Variants in MYH3 observed in about 807,000 individuals in gnomAD.
MYH3 encodes the protein myosin heavy chain 3, also known as myosin-3.
In MYH3, 130 loss-of-function variants were observed where a neutral mutation model predicts 238.0. The ratio of observed to expected loss-of-function variants is 0.55; its 90% CI spans 0.47 to 0.63. The LOEUF (loss-of-function observed/expected upper bound fraction) is 0.63. Ranked by LOEUF, MYH3 falls within the 30% of genes least tolerant of loss-of-function variation. The pLI is 0.00. For synonymous variants in MYH3, 880 were observed against 924.1 expected, an observed-to-expected ratio of 0.95 and a Z score of 0.86; for missense variants, 1,853 against 2,374.9, an observed-to-expected ratio of 0.78 and a Z score of 4.57.
At chr17:10,637,771 G>A (rs375343929) in intron 28 of MYH3, 38 bp downstream of exon 28, 1 of 1,613,312 alleles carries the variant, frequency 6.2e-7, no homozygotes, top group Non-Finnish European at 8.5e-7. Flanking sequence ...TGGGTGCCAG[G>A]AGGTTTTGGC....
chr17:10,632,755 G>A lies in MYH3; in HGVS notation c.4677C>T (p.Ile1559=), dbSNP rs1483273052. Residue 1559 remains isoleucine, a synonymous_variant, in exon 34 of 41, where the codon ATC becomes ATT. Transcript: ENST00000583535. ...EAALEHEEAK[I]LRIQLELTQV... ...GTGTCAATTCAAGCTGGATTCGGAG[G>A]ATCTTGGCTTCTTCATGCTCAAGAG... The A allele has an allele frequency of 6.2e-7, 1 of 1,614,066 alleles. No individual in the cohort carries two copies. The highest frequency in any genetic ancestry group is 1.3e-5 in the African/African-American group (1 of 74,914).
chr17:10,632,590 C>T lies in MYH3; in HGVS notation c.4842G>A (p.Arg1614=), dbSNP rs1473900896. Reference sequence around the variant, plus strand: ...GGTCCCCCTCCATCTTCTTCTTGAGCCGGATGGCTTCATTCCTGCTCCGCA... The same window carrying T: ...GGTCCCCCTCCATCTTCTTCTTGAGTCGGATGGCTTCATTCCTGCTCCGCA... The part of the protein sequence containing the change: ...AEVRSRNEAI[R]LKKKMEGDLN... The change falls in exon 34 of 41, where the codon CGG becomes CGA. Residue 1614 remains arginine, a synonymous_variant. Transcript: ENST00000583535. 1 of 1,614,182 alleles carries T rather than the reference C, an allele frequency of 6.2e-7. No homozygotes were observed. Among genetic ancestry groups the T allele is most frequent in the South Asian group, 1.1e-5 (1 of 91,084 alleles).
At chr17:10,660,578 G>A (rs1457756557), upstream of MYH3, among the ~76,000 whole-genome samples, 3 of 151,920 alleles carry the variant, frequency 2.0e-5, no homozygotes, top group Non-Finnish European at 4.4e-5. Context: ...TTGGGAGGCT[G>A]AGGCAAGAGA....
intron 30 of MYH3, 110 bp downstream of exon 30, chr17:10,635,257 C>T (rs969907195): frequency 1.1e-5 from 18 of 1,567,400 alleles, no homozygotes; most frequent in Middle Eastern, 1.8e-4. Flanking sequence ...CCTCTAATGG[C>T]CCAGCACCGC....
Position 10,640,468 on chromosome 17 carries a change from A to C in MYH3, c.2291T>G (p.Val764Gly). The change falls in exon 21 of 41, where the codon GTG (valine) becomes GGG (glycine). Residue 764 changes from valine (V) to glycine (G), a missense_variant and splice_region_variant. This residue lies in a region of MYH3 where 678 missense variants were observed against 1,058.9 expected (regional missense o/e 0.64). Coordinates refer to ENST00000583535, the MANE Select transcript of MYH3 (RefSeq NM_002470.4). Reference sequence around the variant, plus strand: ...TCCCAGCAAGCCAGCCTTGAAGAACACCTTATGGGGCAGAAGGGTGACATG... The same window carrying C: ...TCCCAGCAAGCCAGCCTTGAAGAACCCCTTATGGGGCAGAAGGGTGACATG... ...HTQYKFGHTKVFFKAGLLGTL... is the reference protein window; with the variant it reads ...HTQYKFGHTKGFFKAGLLGTL... 6.2e-7 allele frequency: 1 copy of C among 1,614,194 alleles called. No homozygotes were observed. The highest frequency in any genetic ancestry group is 8.5e-7 in the Non-Finnish European group (1 of 1,180,030).
intron 31 of MYH3, 137 bp downstream of exon 31, chr17:10,634,702 CG>C: frequency 5.0e-6 from 5 of 998,356 alleles, no homozygotes; most frequent in Non-Finnish European, 7.9e-6. Flanking sequence ...AACTACAGCC[CG>C]GTGAAGTTCA....
intron 8 of MYH3, among the ~76,000 whole-genome samples, chr17:10,648,248 T>G (rs913199906): frequency 1.3e-5 from 2 of 152,064 alleles, no homozygotes; most frequent in Non-Finnish European, 2.9e-5. Flanking sequence ...GGCCCTTCCT[T>G]CGTTCCCCCT....
Position 10,642,807 on chromosome 17 carries a change from T to G in MYH3, c.1581+19A>C. 6.8e-6 allele frequency: 11 copies of G among 1,614,060 alleles called. No homozygotes were observed. Among genetic ancestry groups the G allele is most frequent in the Non-Finnish European group, 9.3e-6 (11 of 1,179,980 alleles). ...AAGAGTCTATGAGAAGAGCTTACGG[T>G]GGGGATGGAACTGGATACCTTCTCG... is the stretch of plus-strand genomic sequence containing the variant. On this transcript the variant is annotated intron_variant, in intron 15 of 40. Coordinates refer to ENST00000583535, the MANE Select transcript of MYH3 (RefSeq NM_002470.4). The surrounding 1 kb of genome is among the most constrained non-coding windows in gnomAD (Gnocchi z 5.4).
intron 4 of MYH3, 46 bp downstream of exon 4, chr17:10,652,374 G>A (rs766663902): frequency 1.1e-5 from 18 of 1,605,902 alleles, no homozygotes; most frequent in South Asian, 4.4e-5. Context: ...TCCCCTGCCC[G>A]CATATCTAAT....
rs1398683298 is a variant in MYH3 at position 10,638,139 on chromosome 17, C to A, written c.3633G>T (p.Leu1211=). 15 of 1,613,846 alleles carry A rather than the reference C, an allele frequency of 9.3e-6. No individual in the cohort carries two copies. Among genetic ancestry groups the A allele is most frequent in the Non-Finnish European group, 1.3e-5 (15 of 1,179,994 alleles). The change falls in exon 27 of 41, where the codon CTG becomes CTT. Residue 1211 remains leucine (L), a synonymous_variant. Coordinates refer to ENST00000583535, the MANE Select transcript of MYH3 (RefSeq NM_002470.4). ...VAELGEQIDN[L]QRVKQKLEKE... ...TCTCCAGCTTCTGCTTGACCCGCTGCAGGTTGTCAATCTGCTCCCCAAGCT... is the reference window on the plus strand; with the variant it reads ...TCTCCAGCTTCTGCTTGACCCGCTGAAGGTTGTCAATCTGCTCCCCAAGCT...
Position 10,632,512 on chromosome 17 carries a change from G to T in MYH3, c.4920C>A (p.Thr1640=). 1 of 1,614,052 alleles carries T rather than the reference G, an allele frequency of 6.2e-7. No individual in the cohort carries two copies. The highest frequency in any genetic ancestry group is 8.5e-7 in the Non-Finnish European group (1 of 1,180,038). ...LSHANRQAAE[T]LKHLRSVQGQ... ...CCTGGACACTCCTGAGGTGTTTGAG[G>T]GTCTCCGCCGCCTGGCGGTTGGCGT... The change falls in exon 34 of 41, where the codon ACC becomes ACA. Residue 1640 remains threonine (T), a synonymous_variant. Coordinates refer to ENST00000583535, the MANE Select transcript of MYH3 (RefSeq NM_002470.4).
chr17:10,638,295 G>A lies in MYH3; in HGVS notation c.3477C>T (p.Ser1159=). The change falls in exon 27 of 41, where the codon TCC becomes TCT. Residue 1159 remains serine, a synonymous_variant. Coordinates refer to ENST00000583535, the MANE Select transcript of MYH3 (RefSeq NM_002470.4). The part of the protein sequence containing the change: ...ERLEEAGGVT[S]TQIELNKKRE... ...GCTTCTTGTTGAGCTCTATCTGCGT[G>A]GAGGTGACGCCTCCCGCCTCCTCCA... The A allele has an allele frequency of 6.2e-7, 1 of 1,613,490 alleles. No individual in the cohort carries two copies. Among genetic ancestry groups the A allele is most frequent in the Non-Finnish European group, 8.5e-7 (1 of 1,179,986 alleles).
chr17:10,630,376 G>A lies in MYH3; in HGVS notation c.5369C>T (p.Thr1790Met), dbSNP rs765724529. 33 of 1,614,020 alleles carry A rather than the reference G, an allele frequency of 2.0e-5. No individual in the cohort carries two copies. The highest frequency in any genetic ancestry group is 1.6e-4 in the Middle Eastern group (1 of 6,084). Residue 1790 changes from threonine to methionine, a missense_variant, in exon 37 of 41, where the codon ACG (threonine) becomes ATG (methionine). Thr to Met is a moderately conservative substitution (Grantham distance 81). This residue lies in a region of MYH3 where 1,044 missense variants were observed against 1,192.6 expected (regional missense o/e 0.88). Transcript: ENST00000583535. Reference protein sequence around the residue: ...LERMKKNLEQTVKDLQHRLDE... With the variant: ...LERMKKNLEQMVKDLQHRLDE... ...TAGACGATGCTGCAGGTCCTTCACC[G>A]TCTGTTCCAGGTTCTTCTTCATCCG...
chr17:10,665,550 AG>A, the MYH3 span, among the ~76,000 whole-genome samples: 14 of 152,340 alleles, frequency 9.2e-5, no homozygotes, highest in Admixed American at 2.0e-4. Context: ...TGGTTCTGGA[AG>A]AAAAGACTCT....
At chr17:10,639,262 GA>G (rs763263392) in intron 24 of MYH3, 35 bp downstream of exon 24, 2 of 1,613,920 alleles carry the variant, frequency 1.2e-6, no homozygotes, top group Non-Finnish European at 1.7e-6. Context: ...TCCAACCCTG[GA>G]GTTCTGGGAC....
At chr17:10,671,267 T>C in the MYH3 span, among the ~76,000 whole-genome samples, 1 of 152,174 alleles carries the variant, frequency 6.6e-6, no homozygotes, top group African/African-American at 2.4e-5. Flanking sequence ...CCATGATTAT[T>C]ACAAAAATAC....
In MYH3 at chr17:10,639,024, C is replaced by T. The variant is rs1242083521; in HGVS notation, c.3248+20G>A. On this transcript the variant is annotated intron_variant, in intron 25 of 40. Transcript: ENST00000583535. ...TACACAGTAACTTGCAAAATGGAAG[C>T]CAGTGGTTGAAGGGCATACTTCTTG... The T allele has an allele frequency of 1.9e-6, 3 of 1,614,066 alleles. No homozygotes were observed. Among genetic ancestry groups the T allele is most frequent in the Non-Finnish European group, 2.5e-6 (3 of 1,180,036 alleles).
chr17:10,631,941 T>C lies in MYH3; in HGVS notation c.5032A>G (p.Arg1678Gly). ...LKEQLAIVER[R>G]ANLLQAEVEE... ...ACCTCGGCCTGCAGCAGGTTGGCTC[T>C]GCGCTCCACAATCGCCAGCTGCTCC... is the stretch of plus-strand genomic sequence containing the variant. The change falls in exon 35 of 41, where the codon AGA becomes GGA. Residue 1678 changes from arginine (R) to glycine (G), a missense_variant. By Grantham distance (125) the Arg-to-Gly change is moderately radical. Transcript: ENST00000583535. 10 of 1,614,110 alleles carry C rather than the reference T, an allele frequency of 6.2e-6. No individual in the cohort carries two copies. The highest frequency in any genetic ancestry group is 8.5e-6 in the Non-Finnish European group (10 of 1,180,038).
intron 22 of MYH3, 39 bp downstream of exon 22, chr17:10,639,957 G>C (rs1323177556): frequency 6.4e-7 from 1 of 1,564,276 alleles, no homozygotes; most frequent in Non-Finnish European, 8.7e-7. Flanking sequence ...ATCAAATCTA[G>C]AAGAGTTAAA....
Sources: gnomAD v4.1 joint callset for allele counts (sites outside exome capture counted in the v4.1 genomes callset) on GRCh38, gnomAD v4.1.1 for gene constraint, gnomAD v4.1.1 regional missense constraint, Gnocchi (gnomAD v3.1) non-coding constraint, MANE v1.5 for transcripts, NCBI Gene and HGNC (gene_info 2026-07-23, HGNC 2026-07-21) for gene names.